KLHL3: variants seen among roughly 807,000 people sequenced by gnomAD.
KLHL3 encodes kelch like family member 3.
In KLHL3, 19 loss-of-function variants were observed where a neutral mutation model predicts 70.5. The observed-to-expected ratio is 0.27, with a 90% CI of 0.19 to 0.40. The LOEUF is 0.40. Ranked by LOEUF, KLHL3 falls within the 10% of genes least tolerant of loss-of-function variation. The pLI is 1.00. For synonymous variants in KLHL3, 258 were observed against 290.3 expected (o/e 0.89, Z 1.13); for missense variants, 512 against 771.1 (o/e 0.66, Z 3.98).
At chr5:137,712,013 C>G (rs1376347466) in intron 2 of KLHL3, among the ~76,000 whole-genome samples, 1 of 150,372 alleles carries the variant, frequency 6.7e-6, no homozygotes, top group East Asian at 1.9e-4. Flanking sequence ...AAAAAAAAAG[C>G]CCGGTGTGGT....
At chr5:137,635,977 C>T (rs887538370) in intron 11 of KLHL3, among the ~76,000 whole-genome samples, 1 of 152,114 alleles carries the variant, frequency 6.6e-6, no homozygotes, top group Admixed American at 6.5e-5. Flanking sequence ...CAGGGATTTG[C>T]TATTTTTAAC....
chr5:137,686,553 C>T (rs1369562454), intron 5 of KLHL3, among the ~76,000 whole-genome samples: 1 of 152,244 alleles, frequency 6.6e-6, no homozygotes, highest in East Asian at 1.9e-4. Flanking sequence ...TAACTCAAGG[C>T]CTGGGTCCAG....
chr5:137,658,132 T>C lies in KLHL3; in HGVS notation c.902A>G (p.Lys301Arg). The stretch of plus-strand genomic sequence containing the variant: ...GGTGGTGATTGGGCTGGGGCTTACC[T>C]TGGGAAGGCTGACTGGAGTCCTGGG... ...TKPRTPVSLP[K>R]VMIVVGGQAP... The change falls in exon 8 of 15, where the codon AAG becomes AGG. Residue 301 changes from lysine to arginine, a missense_variant and splice_region_variant. Physicochemically the swap from Lys to Arg is conservative, Grantham distance 26 (BLOSUM62 2). Coordinates refer to ENST00000309755, the MANE Select transcript of KLHL3 (RefSeq NM_017415.3). The C allele has an allele frequency of 6.2e-7, 1 of 1,611,806 alleles. No homozygotes were observed. The highest frequency in any genetic ancestry group is 8.5e-7 in the Non-Finnish European group (1 of 1,179,478).
chr5:137,713,153 C>CA (rs958291877), intron 2 of KLHL3, among the ~76,000 whole-genome samples: 2,242 of 38,110 alleles, frequency 0.059, 63 homozygotes, highest in African/African-American at 0.092. Flanking sequence ...GAATAACCAG[C>CA]AAAAAAAAAA....
chr5:137,732,695 G>C (rs532486575), intron 1 of KLHL3, among the ~76,000 whole-genome samples: 6 of 152,164 alleles, frequency 3.9e-5, no homozygotes, highest in Non-Finnish European at 4.4e-5. Flanking sequence ...GCAAAGTATA[G>C]GGTACAACAT....
At chr5:137,667,088 CAA>C (rs746809649) in intron 6 of KLHL3, among the ~76,000 whole-genome samples, 3 of 152,134 alleles carry the variant, frequency 2.0e-5, no homozygotes, top group Non-Finnish European at 2.9e-5. Context: ...GCCCACAGGC[CAA>C]ATCCAGCCTG....
In KLHL3 at chr5:137,627,963, T is replaced by G. The variant is rs138334466; in HGVS notation, c.1591+334A>C. On this transcript the variant is annotated intron_variant, in intron 13 of 14. Transcript: ENST00000309755. Reference sequence around the variant, plus strand: ...GGCCCTTGTCCACAGAGCCCTGTCCTTAGCTACCTACTAAAGCTGTTGGGC... The same window carrying G: ...GGCCCTTGTCCACAGAGCCCTGTCCGTAGCTACCTACTAAAGCTGTTGGGC... 3.0e-3 allele frequency: 831 copies of G among 278,652 alleles called. 7 individuals are homozygous for G. The highest frequency in any genetic ancestry group is 0.017 in the African/African-American group (782 of 46,462). 17.3% of individuals were successfully genotyped at this position (278,652 alleles called of 1,614,324 possible).
intron 13 of KLHL3, 65 bp downstream of exon 13, chr5:137,628,232 G>T: frequency 6.3e-7 from 1 of 1,578,868 alleles, no homozygotes; most frequent in Non-Finnish European, 8.7e-7. Context: ...GCTGTTTAGA[G>T]CCAGTGTCTT....
At chr5:137,698,854 CAAT>C (rs951622945) in intron 3 of KLHL3, among the ~76,000 whole-genome samples, 13 of 152,182 alleles carry the variant, frequency 8.5e-5, no homozygotes, top group Non-Finnish European at 1.6e-4. Context: ...GTGATAACAA[CAAT>C]AATAAGTAAC....
rs1158813583 is a variant in KLHL3 at position 137,673,440 on chromosome 5, G to T, written c.636+4105C>A. On this transcript the variant is annotated intron_variant, in intron 6 of 14. Transcript: ENST00000309755. ...CTGGCATGACATGAGGAAGGGGAAG[G>T]TCCTACACAATGAACTAGTGATTTT... is the stretch of plus-strand genomic sequence containing the variant. Among the ~76,000 whole-genome samples, 4 of 152,118 alleles carry T rather than the reference G, an allele frequency of 2.6e-5. No homozygotes were observed. In the East Asian group the frequency reaches 7.7e-4, roughly 29 times the overall value.
intron 2 of KLHL3, among the ~76,000 whole-genome samples, chr5:137,713,734 A>G (rs1211623153): frequency 6.6e-6 from 1 of 152,252 alleles, no homozygotes; most frequent in East Asian, 1.9e-4. Context: ...CAGGATAATG[A>G]AAAGACAATC....
chr5:137,714,782 C>A (rs1302842649), intron 2 of KLHL3, among the ~76,000 whole-genome samples: 1 of 152,108 alleles, frequency 6.6e-6, no homozygotes, highest in Non-Finnish European at 1.5e-5. Flanking sequence ...AATTGTATGG[C>A]ATCTGAATTA....
At chr5:137,686,477 A>G (rs756533059) in intron 5 of KLHL3, among the ~76,000 whole-genome samples, 3 of 152,238 alleles carry the variant, frequency 2.0e-5, no homozygotes, top group Non-Finnish European at 2.9e-5. Context: ...CCAAAGTGTT[A>G]GCTGGTCTGA....
rs1225287859 is a variant in KLHL3, at chr5:137,720,509, AG to A, written c.89del (p.Pro30LeufsTer11). On this transcript the variant is annotated frameshift_variant, in exon 2 of 15. Coordinates refer to ENST00000309755, the MANE Select transcript of KLHL3 (RefSeq NM_017415.3). LOFTEE classifies it high-confidence loss of function. ...CCTTGAATGCTTTCCCCATGTGGGC[AG>A]GGTTGACAGTGATCGTCCTCTGGTT... ...EKNQRTITVN[P>X]AHMGKAFKVM... The A allele has an allele frequency of 1.2e-6, 2 of 1,614,146 alleles. No individual in the cohort carries two copies. The highest frequency in any genetic ancestry group is 1.7e-5 in the Admixed American group (1 of 60,004).
intron 3 of KLHL3, among the ~76,000 whole-genome samples, chr5:137,706,665 C>A (rs1022927356): frequency 6.6e-6 from 1 of 151,866 alleles, no homozygotes; most frequent in Non-Finnish European, 1.5e-5. Flanking sequence ...TAATTTCCAA[C>A]GAAGGAAATG....
chr5:137,721,041 A>G (rs1452768063), intron 1 of KLHL3: 1 of 188,780 alleles, frequency 5.3e-6, no homozygotes, highest in Admixed American at 6.4e-5. Context: ...GGAGAATGCC[A>G]AGTAAACATT....
In KLHL3 at chr5:137,692,462, G is replaced by A; in HGVS notation, c.364-15C>T. On this transcript the variant is annotated splice_polypyrimidine_tract_variant and intron_variant, in intron 4 of 14. Transcript: ENST00000309755. ...GGGAGCAGCACCTGCAAGAGAAGGT[G>A]ACATTCTCAGATATTGGATCCCACT... The A allele has an allele frequency of 1.2e-6, 2 of 1,613,306 alleles. No individual in the cohort carries two copies. Among genetic ancestry groups the A allele is most frequent in the East Asian group, 2.2e-5 (1 of 44,868 alleles).
intron 5 of KLHL3, among the ~76,000 whole-genome samples, chr5:137,687,081 GC>G (rs1752195122): frequency 9.1e-5 from 6 of 65,996 alleles, no homozygotes; most frequent in Admixed American, 1.7e-4. Context: ...GGGGGGGTCA[GC>G]CCCCCGCCCG....
intron 6 of KLHL3, among the ~76,000 whole-genome samples, chr5:137,674,773 G>C (rs552481717): frequency 5.3e-5 from 8 of 152,268 alleles, no homozygotes; most frequent in Non-Finnish European, 1.2e-4. Context: ...CTATAAAACA[G>C]TATTGAAAGG....
Sources: gnomAD v4.1 joint callset for allele counts (sites outside exome capture counted in the v4.1 genomes callset) on GRCh38, gnomAD v4.1.1 for gene constraint, MANE v1.5 for transcripts, NCBI Gene and HGNC (gene_info 2026-07-23, HGNC 2026-07-21) for gene names.